Variants in REV3L observed in about 807,000 individuals in gnomAD.
The protein encoded by REV3L is DNA polymerase zeta catalytic subunit.
REV3L carries 69 observed loss-of-function variants against 299.4 expected under a neutral mutation model. That is an observed-to-expected ratio of 0.23 (90% CI 0.19 to 0.28). REV3L has a LOEUF of 0.28. Ranked by LOEUF, REV3L falls within the 10% of genes least tolerant of loss-of-function variation. The probability of loss-of-function intolerance (pLI) is 1.00; values close to 1 mark genes in which losing one functional copy is unlikely to be tolerated. For missense variants in REV3L, 3,128 were observed against 3,693.8 expected (o/e 0.85, Z 3.97); for synonymous variants, 1,238 against 1,271.4 (o/e 0.97, Z 0.56).
At chr6:111,333,072 TAAG>T (rs1335280233) in intron 23 of REV3L, 48 bp downstream of exon 23, 10 of 1,590,462 alleles carry the variant, frequency 6.3e-6, no homozygotes, top group East Asian at 2.2e-5. Context: ...CTAATTTTAG[TAAG>T]AAGTACAAAG....
chr6:111,461,945 C>T (rs1790819988), intron 1 of REV3L, among the ~76,000 whole-genome samples: 1 of 151,754 alleles, frequency 6.6e-6, no homozygotes, highest in African/African-American at 2.4e-5. Flanking sequence ...TCTAAACACA[C>T]TAAATAAAAG....
chr6:111,368,074 T>C lies in REV3L; in HGVS notation c.5760-46A>G, dbSNP rs1779407142. ...ACAACTGTTTTGTTTCAAAGAGCAA[T>C]TACCAAAATATTTAACTCCATATCC... On this transcript the variant is annotated intron_variant, in intron 13 of 31. Transcript: ENST00000368802. 2.7e-6 allele frequency: 4 copies of C among 1,481,900 alleles called. No individual in the cohort carries two copies. In the East Asian group the frequency reaches 9.4e-5, roughly 35 times the overall value. The allele number at this position is 1,481,900 out of a possible 1,614,324, so 91.8% of individuals were successfully genotyped here. A position where few individuals can be genotyped will look rare whatever the true frequency, so the allele number is the denominator to read the frequency against.
At chr6:111,307,758 T>G in intron 30 of REV3L, 188 bp from the exon 31 acceptor site, 1 of 585,116 alleles carries the variant, frequency 1.7e-6, no homozygotes, top group Non-Finnish European at 3.0e-6. Flanking sequence ...ATGAAGTCCT[T>G]GCCTTCATGG....
intron 1 of REV3L, among the ~76,000 whole-genome samples, chr6:111,477,807 T>A (rs112879976): frequency 3.9e-5 from 6 of 152,168 alleles, no homozygotes; most frequent in Non-Finnish European, 8.8e-5. Context: ...ATCCCTCTGA[T>A]TACAGTGTAG....
intron 1 of REV3L, among the ~76,000 whole-genome samples, chr6:111,450,273 G>T (rs1789339084): frequency 6.6e-6 from 1 of 151,950 alleles, no homozygotes; most frequent in Non-Finnish European, 1.5e-5. Flanking sequence ...GAGGCCAGGA[G>T]TTAGAGCCCA....
intron 1 of REV3L, among the ~76,000 whole-genome samples, chr6:111,465,648 G>A (rs1465885998): frequency 4.8e-5 from 7 of 146,646 alleles, no homozygotes; most frequent in East Asian, 4.2e-4. Flanking sequence ...CAGGAGAATC[G>A]CTTGAACCAG....
chr6:111,411,748 T>G (rs993400707), intron 2 of REV3L, among the ~76,000 whole-genome samples, 194 bp from the exon 3 acceptor site: 2 of 152,120 alleles, frequency 1.3e-5, no homozygotes, highest in African/African-American at 4.8e-5. Context: ...TACTGAAGCT[T>G]TTTTAAAAAG....
chr6:111,474,452 A>C (rs1432130721), intron 1 of REV3L, among the ~76,000 whole-genome samples: 3 of 152,214 alleles, frequency 2.0e-5, no homozygotes, highest in Non-Finnish European at 4.4e-5. Flanking sequence ...CTTTCCCACA[A>C]AAGGCAGCTG....
At chr6:111,396,870 A>C (rs1782565409) in intron 4 of REV3L, among the ~76,000 whole-genome samples, 1 of 152,106 alleles carries the variant, frequency 6.6e-6, no homozygotes, top group East Asian at 1.9e-4. Context: ...GGTATGCTGT[A>C]ATGCGTCCAA....
intron 25 of REV3L, among the ~76,000 whole-genome samples, chr6:111,328,614 G>A (rs1030774255): frequency 1.3e-5 from 2 of 152,054 alleles, no homozygotes; most frequent in Admixed American, 1.3e-4. Flanking sequence ...AGACACAGAG[G>A]TATCTTATAG....
Position 111,389,091 on chromosome 6 carries a change from C to G in REV3L, c.862+15G>C, listed in dbSNP as rs1224578259. 2 of 1,566,078 alleles carry G rather than the reference C, an allele frequency of 1.3e-6. No homozygotes were observed. Among genetic ancestry groups the G allele is most frequent in the Non-Finnish European group, 1.8e-6 (2 of 1,137,076 alleles). Reference sequence around the variant, plus strand: ...TTGATTTAAAAGAATAATCAGAGCACTATTAGGTTTATACCTTGTGACTCA... The same window carrying G: ...TTGATTTAAAAGAATAATCAGAGCAGTATTAGGTTTATACCTTGTGACTCA... On this transcript the variant is annotated intron_variant, in intron 7 of 31. Coordinates refer to ENST00000368802, the MANE Select transcript of REV3L (RefSeq NM_001372078.1).
At chr6:111,359,915 C>T (rs182197889) in intron 16 of REV3L, among the ~76,000 whole-genome samples, 7 of 152,242 alleles carry the variant, frequency 4.6e-5, no homozygotes, top group Non-Finnish European at 1.0e-4. Context: ...ATTCAAGTTT[C>T]TCACTAGTGA....
chr6:111,327,546 G>A (rs1205123142), intron 25 of REV3L, among the ~76,000 whole-genome samples: 1 of 143,720 alleles, frequency 7.0e-6, no homozygotes, highest in African/African-American at 2.7e-5. Context: ...AAAGCAAGAC[G>A]CTGTTTCAAA....
At chr6:111,439,160 G>T (rs544893784) in intron 1 of REV3L, among the ~76,000 whole-genome samples, 4 of 152,116 alleles carry the variant, frequency 2.6e-5, no homozygotes, top group African/African-American at 9.6e-5. Context: ...CTCACTTTAT[G>T]TTTTTTTGCT....
intron 1 of REV3L, among the ~76,000 whole-genome samples, chr6:111,420,206 A>T (rs1785177509): frequency 1.3e-5 from 2 of 152,170 alleles, no homozygotes; most frequent in Non-Finnish European, 2.9e-5. Context: ...AGATTTAAGG[A>T]AAGAAAATAT....
intron 9 of REV3L, among the ~76,000 whole-genome samples, chr6:111,382,089 T>C (rs1780888557): frequency 6.6e-6 from 1 of 152,178 alleles, no homozygotes; most frequent in East Asian, 1.9e-4. Flanking sequence ...TACATTAATA[T>C]TTTTCAGAAA....
chr6:111,477,999 A>T (rs994711507), intron 1 of REV3L, among the ~76,000 whole-genome samples: 13 of 152,186 alleles, frequency 8.5e-5, no homozygotes, highest in African/African-American at 3.1e-4. Context: ...AATCCCTAAA[A>T]CTAGAATTAC....
At chr6:111,479,098 C>A (rs749780362) in intron 1 of REV3L, among the ~76,000 whole-genome samples, 58 of 152,238 alleles carry the variant, frequency 3.8e-4, no homozygotes, top group Middle Eastern at 3.4e-3. Flanking sequence ...GGACAGCTTC[C>A]CAAGTCCACC....
chr6:111,387,788 T>G lies in REV3L; in HGVS notation c.1073A>C (p.His358Pro), dbSNP rs754380930. 6.2e-7 allele frequency: 1 copy of G among 1,614,002 alleles called. No homozygotes were observed. Among genetic ancestry groups the G allele is most frequent in the East Asian group, 2.2e-5 (1 of 44,832 alleles). Reference sequence around the variant, plus strand: ...ACCTTTGCTTGACTCTTTGTCTTTGTGAACTTCTACCATATTGGCTGGTGT... The same window carrying G: ...ACCTTTGCTTGACTCTTTGTCTTTGGGAACTTCTACCATATTGGCTGGTGT... ...QCTPANMVEV[H>P]KDKESSKGHT... The change falls in exon 9 of 32, where the codon CAC becomes CCC. Residue 358 changes from histidine to proline, a missense_variant. Physicochemically the swap from His to Pro is moderately conservative, Grantham distance 77. This residue lies in a region of REV3L where 2,409 missense variants were observed against 2,611.8 expected (regional missense o/e 0.92). Transcript: ENST00000368802.
Sources: gnomAD v4.1 joint callset for allele counts (sites outside exome capture counted in the v4.1 genomes callset) on GRCh38, gnomAD v4.1.1 for gene constraint, gnomAD v4.1.1 regional missense constraint, MANE v1.5 for transcripts, NCBI Gene and HGNC (gene_info 2026-07-23, HGNC 2026-07-21) for gene names.